Variants in HS3ST2 observed in about 807,000 individuals in gnomAD.
HS3ST2 encodes heparan sulfate glucosamine 3-O-sulfotransferase 2.
In HS3ST2, 17 loss-of-function variants were observed where a neutral mutation model predicts 26.3. That is an observed-to-expected ratio of 0.65 (90% confidence interval 0.44 to 0.97). The LOEUF is 0.97. Among genes scored for constraint, HS3ST2 ranks in the 50% least tolerant of loss-of-function variants. HS3ST2 has a pLI of 0.00. For missense variants in HS3ST2, 402 were observed against 501.2 expected (o/e 0.80, Z 1.89); for synonymous variants, 237 against 219.2 (o/e 1.08, Z -0.72).
intron 1 of HS3ST2, among the ~76,000 whole-genome samples, chr16:22,913,199 G>T: frequency 6.7e-6 from 1 of 150,170 alleles, no homozygotes; most frequent in Non-Finnish European, 1.5e-5. Flanking sequence ...AGGAAGGAAG[G>T]GACTTCTCGG....
intron 1 of HS3ST2, among the ~76,000 whole-genome samples, chr16:22,863,706 G>A (rs77954284): frequency 0.014 from 2,061 of 152,260 alleles, 52 homozygotes; most frequent in African/African-American, 0.047. Flanking sequence ...GACCCAGCAA[G>A]CTGTCTTTGC....
chr16:22,826,843 A>G (rs1414047166), intron 1 of HS3ST2, among the ~76,000 whole-genome samples: 41 of 152,214 alleles, frequency 2.7e-4, no homozygotes, highest in Non-Finnish European at 1.5e-5. Context: ...TCAGCCACAT[A>G]GTCACTGGGG....
At chr16:22,816,322 G>A (rs1489766568) in intron 1 of HS3ST2, among the ~76,000 whole-genome samples, 2 of 152,244 alleles carry the variant, frequency 1.3e-5, no homozygotes, top group Non-Finnish European at 2.9e-5. Context: ...GCTTTAGGCA[G>A]TAGAGGTCAT....
intron 1 of HS3ST2, among the ~76,000 whole-genome samples, chr16:22,831,868 C>G (rs1166228514): frequency 6.6e-6 from 1 of 152,116 alleles, no homozygotes; most frequent in African/African-American, 2.4e-5. Context: ...AAGGGGGACT[C>G]TGTACCTGAT....
At chr16:22,870,560 GTC>G (rs1458272835) in intron 1 of HS3ST2, among the ~76,000 whole-genome samples, 1 of 152,074 alleles carries the variant, frequency 6.6e-6, no homozygotes, top group Non-Finnish European at 1.5e-5. Context: ...GTTCCTGTTT[GTC>G]TCTCTGATCT....
intron 1 of HS3ST2, among the ~76,000 whole-genome samples, chr16:22,817,809 C>A (rs1900893011): frequency 6.6e-6 from 1 of 151,902 alleles, no homozygotes; most frequent in African/African-American, 2.4e-5. Flanking sequence ...CACATCAAAG[C>A]CCCTGGTGAT....
At chr16:22,815,597 C>T (rs1329064536) in intron 1 of HS3ST2, among the ~76,000 whole-genome samples, 2 of 152,118 alleles carry the variant, frequency 1.3e-5, no homozygotes, top group African/African-American at 4.8e-5. Flanking sequence ...CAGAGGTCTC[C>T]AGTAAGAAAG....
In HS3ST2 at chr16:22,883,554, G is replaced by A. The variant is rs1429355829; in HGVS notation, c.486-31390G>A. The stretch of plus-strand genomic sequence containing the variant: ...AAAATAAAGTGAGCTCTTTTAGAAA[G>A]TCACTCTAGTGGCTATAATAACTAT... On this transcript the variant is annotated intron_variant, in intron 1 of 1. Coordinates refer to ENST00000261374, the MANE Select transcript of HS3ST2 (RefSeq NM_006043.2). 3.3e-5 allele frequency among the ~76,000 whole-genome samples: 5 copies of A among 152,178 alleles called. No individual in the cohort carries two copies. In the South Asian group the frequency reaches 8.3e-4, roughly 25 times the overall value.
At chr16:22,898,346 G>T (rs1407929376) in intron 1 of HS3ST2, among the ~76,000 whole-genome samples, 2 of 152,182 alleles carry the variant, frequency 1.3e-5, no homozygotes, top group Non-Finnish European at 2.9e-5. Flanking sequence ...TTCCTGATGG[G>T]GTCCACAGTC....
intron 1 of HS3ST2, among the ~76,000 whole-genome samples, chr16:22,852,379 G>C (rs1361682480): frequency 1.3e-5 from 2 of 152,154 alleles, no homozygotes; most frequent in Non-Finnish European, 2.9e-5. Context: ...TGGCAAATGT[G>C]AGAACCATGT....
At chr16:22,900,366 A>G (rs758921246) in intron 1 of HS3ST2, among the ~76,000 whole-genome samples, 2 of 152,120 alleles carry the variant, frequency 1.3e-5, no homozygotes, top group Non-Finnish European at 2.9e-5. Flanking sequence ...GTCACTGGGG[A>G]ACATCTCACG....
At chr16:22,815,770 T>C (rs1003148006) in intron 1 of HS3ST2, among the ~76,000 whole-genome samples, 1 of 152,180 alleles carries the variant, frequency 6.6e-6, no homozygotes, top group African/African-American at 2.4e-5. Flanking sequence ...TCTTAAACTC[T>C]ATCAGCCTCT....
chr16:22,830,633 A>C (rs1424298057), intron 1 of HS3ST2, among the ~76,000 whole-genome samples: 1 of 152,164 alleles, frequency 6.6e-6, no homozygotes, highest in Non-Finnish European at 1.5e-5. Flanking sequence ...CAATATTGAG[A>C]GCCTGGATGC....
intron 1 of HS3ST2, among the ~76,000 whole-genome samples, chr16:22,909,992 G>T (rs1291881537): frequency 2.2e-5 from 3 of 136,968 alleles, no homozygotes; most frequent in East Asian, 4.3e-4. Context: ...AGCTGAGATT[G>T]TGCCATTGCA....
chr16:22,844,451 C>G (rs530329344), intron 1 of HS3ST2, among the ~76,000 whole-genome samples: 201 of 152,290 alleles, frequency 1.3e-3, no homozygotes, highest in African/African-American at 4.7e-3. Flanking sequence ...TGCAGAGTCA[C>G]AGTTCCAGGT....
chr16:22,841,964 ACTT>A (rs914218011), intron 1 of HS3ST2, among the ~76,000 whole-genome samples: 1 of 149,812 alleles, frequency 6.7e-6, no homozygotes, highest in Non-Finnish European at 1.5e-5. Flanking sequence ...TGTTGAGAAA[ACTT>A]CTCTGAATCT....
chr16:22,832,535 T>A (rs192820653), intron 1 of HS3ST2, among the ~76,000 whole-genome samples: 3 of 151,936 alleles, frequency 2.0e-5, no homozygotes, highest in African/African-American at 4.8e-5. Flanking sequence ...TCCTGAATGA[T>A]GTTGGGGTCT....
intron 1 of HS3ST2, among the ~76,000 whole-genome samples, chr16:22,860,072 G>A (rs176389): frequency 0.52 from 79,343 of 152,038 alleles, 21,752 homozygotes; most frequent in Non-Finnish European, 0.61. Flanking sequence ...CTCCCTAACA[G>A]CTCTATTTAA....
intron 1 of HS3ST2, among the ~76,000 whole-genome samples, chr16:22,894,462 G>A (rs984268070): frequency 7.9e-5 from 12 of 152,150 alleles, no homozygotes; most frequent in African/African-American, 2.4e-4. Flanking sequence ...CACCGCCACT[G>A]GGGTCACTGG....
Sources: allele counts gnomAD v4.1 joint callset (sites outside exome capture counted in the v4.1 genomes callset), GRCh38; gene constraint gnomAD v4.1.1; transcripts MANE v1.5; gene names NCBI Gene and HGNC (gene_info 2026-07-23, HGNC 2026-07-21).